Variants in DAB1 observed in about 807,000 individuals in gnomAD.
The protein encoded by DAB1 is disabled homolog 1.
In DAB1, 15 loss-of-function variants were observed where a neutral mutation model predicts 64.6. The observed-to-expected ratio is 0.23, with a 90% CI of 0.16 to 0.36. The LOEUF is 0.36. Ranked by LOEUF, DAB1 falls within the 10% of genes least tolerant of loss-of-function variation. The pLI is 1.00. For synonymous variants in DAB1, 235 were observed against 251.9 expected (o/e 0.93, Z 0.64); for missense variants, 596 against 706.7 (o/e 0.84, Z 1.78).
At chr1:57,334,064 T>C (rs1276906128) in intron 1 of DAB1, among the ~76,000 whole-genome samples, 1 of 152,144 alleles carries the variant, frequency 6.6e-6, no homozygotes, top group African/African-American at 2.4e-5. Context: ...GGACTCCCAT[T>C]CTCTCTCAGT....
At chr1:57,736,319 A>G (rs1372544601) in intron 6 of DAB1, among the ~76,000 whole-genome samples, 1 of 152,216 alleles carries the variant, frequency 6.6e-6, no homozygotes, top group African/African-American at 2.4e-5. Flanking sequence ...TAGGACCCCA[A>G]AGCAAACTCC....
intron 5 of DAB1, among the ~76,000 whole-genome samples, chr1:58,086,485 G>A (rs1247734775): frequency 1.3e-5 from 2 of 152,114 alleles, no homozygotes; most frequent in Non-Finnish European, 1.5e-5. Context: ...TGCTGTCCCA[G>A]TATTAGTGTA....
At chr1:57,634,108 C>T (rs1262473172) in intron 7 of DAB1, among the ~76,000 whole-genome samples, 1 of 152,184 alleles carries the variant, frequency 6.6e-6, no homozygotes, top group Non-Finnish European at 1.5e-5. Context: ...TCAAGACCTG[C>T]CTCTTTAAAG....
At chr1:57,654,010 AT>A (rs1202756395) in intron 6 of DAB1, among the ~76,000 whole-genome samples, 8 of 152,064 alleles carry the variant, frequency 5.3e-5, no homozygotes, top group African/African-American at 1.9e-4. Flanking sequence ...AGATTTAAAC[AT>A]TTTTCCAATT....
At chr1:58,289,296 T>C (rs1394984608) in intron 4 of DAB1, among the ~76,000 whole-genome samples, 1 of 152,234 alleles carries the variant, frequency 6.6e-6, no homozygotes. Flanking sequence ...GATAATATGA[T>C]GGCTGTAACT....
chr1:57,593,028 G>A (rs1257452007), intron 7 of DAB1, among the ~76,000 whole-genome samples: 1 of 152,208 alleles, frequency 6.6e-6, no homozygotes, highest in Non-Finnish European at 1.5e-5. Flanking sequence ...TTAACCATGT[G>A]TAAGTGCACA....
chr1:57,424,862 C>T (rs1281614966), upstream of DAB1, among the ~76,000 whole-genome samples: 3 of 152,298 alleles, frequency 2.0e-5, no homozygotes, highest in South Asian at 6.2e-4. Context: ...ACGCAGACCA[C>T]GGTTAACTCC....
intron 3 of DAB1, among the ~76,000 whole-genome samples, chr1:58,504,030 A>T (rs994407829): frequency 3.9e-5 from 6 of 152,168 alleles, no homozygotes; most frequent in Admixed American, 3.3e-4. Context: ...ATCTCCTACC[A>T]GGATTATGAG....
intron 2 of DAB1, among the ~76,000 whole-genome samples, chr1:57,234,804 T>C (rs1667969519): frequency 6.6e-6 from 1 of 152,222 alleles, no homozygotes; most frequent in African/African-American, 2.4e-5. Context: ...CTTGTAGCTG[T>C]AGGACTGAGC....
chr1:58,470,065 A>G (rs922518978), intron 3 of DAB1, among the ~76,000 whole-genome samples: 7 of 151,758 alleles, frequency 4.6e-5, no homozygotes, highest in Admixed American at 2.6e-4. Flanking sequence ...CCATTTGACA[A>G]AGAGGGAATT....
rs564925514 is a variant in DAB1 at position 58,116,024 on chromosome 1, CAAAAAAAATAAAAATA to C, written n.387+34471_387+34486del. Among the ~76,000 whole-genome samples the C allele has an allele frequency of 6.0e-3, 898 of 149,460 alleles. 7 individuals are homozygous for C. The highest frequency in any genetic ancestry group is 0.01 in the Middle Eastern group (3 of 292). On this transcript the variant is annotated intron_variant and non_coding_transcript_variant, in intron 5 of 20. Transcript: ENST00000485760. ...ATTAATATTAAACAATTCATCTATA[CAAAAAAAATAAAAATA>C]AAAAAAAATAAATAAATTACTCAGT...
At chr1:57,836,210 A>G (rs1652801151) in intron 1 of DAB1, among the ~76,000 whole-genome samples, 1 of 152,244 alleles carries the variant, frequency 6.6e-6, no homozygotes, top group Non-Finnish European at 1.5e-5. Context: ...TATGATCCCT[A>G]TAACAACAGG....
At chr1:58,001,287 G>A (rs1646503378) in intron 5 of DAB1, among the ~76,000 whole-genome samples, 1 of 151,766 alleles carries the variant, frequency 6.6e-6, no homozygotes, top group African/African-American at 2.4e-5. Flanking sequence ...GTTTTGAGAT[G>A]GAGTCTCACT....
chr1:58,087,922 T>C lies in DAB1; in HGVS notation n.387+62589A>G, dbSNP rs140143180. Among the ~76,000 whole-genome samples, 1,263 of 152,362 alleles carry C rather than the reference T, an allele frequency of 8.3e-3. 23 individuals carry two copies. The highest frequency in any genetic ancestry group is 0.026 in the African/African-American group (1,102 of 41,592). Reference sequence around the variant, plus strand: ...CAGATGAGGGGATAGAACATAAATATGAATTAAGTATAGTTCCTGACTTCC... The same window carrying C: ...CAGATGAGGGGATAGAACATAAATACGAATTAAGTATAGTTCCTGACTTCC... On this transcript the variant is annotated intron_variant and non_coding_transcript_variant, in intron 5 of 20. Transcript: ENST00000485760.
At chr1:57,363,996 A>G (rs1031252133) in intron 1 of DAB1, among the ~76,000 whole-genome samples, 4 of 152,146 alleles carry the variant, frequency 2.6e-5, no homozygotes, top group African/African-American at 4.8e-5. Flanking sequence ...TAGTAAAGGG[A>G]TATTTCCTAA....
chr1:58,253,446 C>G (rs950596520), intron 4 of DAB1, among the ~76,000 whole-genome samples: 1 of 152,078 alleles, frequency 6.6e-6, no homozygotes, highest in African/African-American at 2.4e-5. Flanking sequence ...TTCAAGTTAC[C>G]AAAAAAGTGT....
At chr1:57,417,134 C>A (rs1684551610) in intron 1 of DAB1, among the ~76,000 whole-genome samples, 1 of 152,096 alleles carries the variant, frequency 6.6e-6, no homozygotes, top group Non-Finnish European at 1.5e-5. Context: ...GACGTATGAT[C>A]AGAGAAAGGT....
chr1:57,403,039 C>A (rs868019380), intron 1 of DAB1, among the ~76,000 whole-genome samples: 2 of 152,164 alleles, frequency 1.3e-5, no homozygotes, highest in Non-Finnish European at 2.9e-5. Flanking sequence ...ACCTGCATTT[C>A]CCACTCTGAT....
intron 1 of DAB1, among the ~76,000 whole-genome samples, chr1:58,527,999 T>C (rs1383590565): frequency 6.6e-6 from 1 of 152,242 alleles, no homozygotes; most frequent in Admixed American, 6.5e-5. Context: ...GATGAATCAA[T>C]AGGCAGGACT....
Sources: allele counts gnomAD v4.1 joint callset (sites outside exome capture counted in the v4.1 genomes callset), GRCh38; gene constraint gnomAD v4.1.1; transcripts MANE v1.5; gene names NCBI Gene and HGNC (gene_info 2026-07-23, HGNC 2026-07-21).